PHKB: variants seen among roughly 807,000 people sequenced by gnomAD.
PHKB encodes the protein phosphorylase b kinase regulatory subunit beta.
Under a neutral mutation model 152.1 loss-of-function variants are expected in PHKB, and 122 were observed. That is an observed-to-expected ratio of 0.80 (90% CI 0.69 to 0.93). The LOEUF is 0.93. Ranked by LOEUF, PHKB falls within the 40% of genes least tolerant of loss-of-function variation. The pLI is 0.00. For missense variants in PHKB, 1,304 were observed against 1,328.4 expected, an observed-to-expected ratio of 0.98 and a Z score of 0.29; for synonymous variants, 436 against 464.9, an observed-to-expected ratio of 0.94 and a Z score of 0.80.
chr16:47,578,200 G>GT (rs1256158680), intron 7 of PHKB, among the ~76,000 whole-genome samples: 2 of 152,024 alleles, frequency 1.3e-5, no homozygotes, highest in Admixed American at 6.6e-5. Context: ...AGGATTTCTG[G>GT]TTTTTTGATT....
chr16:47,481,250 A>T (rs1386415701), intron 1 of PHKB, among the ~76,000 whole-genome samples: 1 of 152,176 alleles, frequency 6.6e-6, no homozygotes, highest in Non-Finnish European at 1.5e-5. Flanking sequence ...TTTGGTTATG[A>T]AATTTTTCTT....
intron 10 of PHKB, 72 bp from the exon 11 acceptor site, chr16:47,593,428 A>C (rs1162369280): frequency 1.2e-6 from 1 of 845,394 alleles, no homozygotes; most frequent in African/African-American, 1.7e-5. Context: ...CCACAGAGTG[A>C]GATCTTGTCT....
chr16:47,685,440 G>A (rs2142098390), intron 26 of PHKB, among the ~76,000 whole-genome samples: 1 of 152,184 alleles, frequency 6.6e-6, no homozygotes, highest in Non-Finnish European at 1.5e-5. Context: ...GAAAAAAAAA[G>A]AAAGCTTTTG....
chr16:47,676,357 A>G (rs1399788630), intron 26 of PHKB: 8 of 152,002 alleles, frequency 5.3e-5, no homozygotes, highest in Non-Finnish European at 8.8e-5. Context: ...GCTTTTTGCT[A>G]TTGTTTCTCT....
intron 26 of PHKB, among the ~76,000 whole-genome samples, chr16:47,677,448 C>A (rs565355100): frequency 6.6e-6 from 1 of 152,322 alleles, no homozygotes; most frequent in South Asian, 2.1e-4. Flanking sequence ...TTCTCACAAT[C>A]TGCAGGCTGG....
intron 3 of PHKB, 149 bp from the exon 4 acceptor site, chr16:47,502,842 C>A: frequency 1.5e-6 from 1 of 648,530 alleles, no homozygotes; most frequent in South Asian, 1.7e-5. Context: ...TCTACTTTTG[C>A]TGGGAAAATG....
chr16:47,515,276 T>A (rs1219865064), intron 5 of PHKB, among the ~76,000 whole-genome samples: 1 of 152,250 alleles, frequency 6.6e-6, no homozygotes, highest in Admixed American at 6.5e-5. Flanking sequence ...TTAACAGTTT[T>A]ATTTGAAGCC....
chr16:47,589,664 T>C (rs1971994546), intron 10 of PHKB, among the ~76,000 whole-genome samples: 1 of 152,230 alleles, frequency 6.6e-6, no homozygotes, highest in South Asian at 2.1e-4. Flanking sequence ...TATACCACTA[T>C]ATGTAGTTTT....
rs192431103 is a variant in PHKB, at chr16:47,561,938, G to C, written c.710+14390G>C. The C allele has an allele frequency of 7.2e-5, 11 of 152,052 alleles. No homozygotes were observed. In the East Asian group the frequency reaches 1.4e-3, roughly 19 times the overall value. The allele number at this position is 152,052 out of a possible 1,614,324, so 9.4% of individuals were successfully genotyped here. On this transcript the variant is annotated intron_variant, in intron 7 of 30. Transcript: ENST00000323584. ...TACCTTCTGTTGAGTGGCCCTTTTT[G>C]GTTGCTTTTTAAAAAGGCATATCCA...
At chr16:47,652,386 T>TC (rs1361754604) in intron 20 of PHKB, among the ~76,000 whole-genome samples, 1 of 150,796 alleles carries the variant, frequency 6.6e-6, no homozygotes, top group Non-Finnish European at 1.5e-5. Flanking sequence ...GGTCTTTTTT[T>TC]TTTTTTTTTT....
chr16:47,532,055 ATCAATTTAAAAAACCC>A (rs1187522522), intron 6 of PHKB, among the ~76,000 whole-genome samples: 1 of 152,244 alleles, frequency 6.6e-6, no homozygotes, highest in Non-Finnish European at 1.5e-5. Context: ...ACTATTACTT[ATCAATTTAAAAAACCC>A]TCAATTTAAA....
intron 1 of PHKB, among the ~76,000 whole-genome samples, chr16:47,477,380 G>A (rs1245313735): frequency 1.3e-5 from 2 of 152,162 alleles, no homozygotes; most frequent in African/African-American, 4.8e-5. Context: ...CAAGTTGAAT[G>A]AATTAATTAA....
chr16:47,497,168 T>A (rs1243324675), intron 1 of PHKB, among the ~76,000 whole-genome samples: 1 of 152,150 alleles, frequency 6.6e-6, no homozygotes, highest in Non-Finnish European at 1.5e-5. Flanking sequence ...GTGCTGGAGG[T>A]AAGGGTGGGA....
intron 1 of PHKB, among the ~76,000 whole-genome samples, chr16:47,479,882 G>C (rs1306521915): frequency 1.3e-5 from 2 of 152,138 alleles, no homozygotes; most frequent in Non-Finnish European, 2.9e-5. Context: ...CTCTGCTTCT[G>C]TCAGTTTGCT....
At chr16:47,568,754 A>G (rs1165870996) in intron 7 of PHKB, among the ~76,000 whole-genome samples, 1 of 152,158 alleles carries the variant, frequency 6.6e-6, no homozygotes, top group Admixed American at 6.5e-5. Context: ...ATTTTTTAAA[A>G]TTTCATCTTG....
chr16:47,668,122 A>G (rs1597164265), intron 25 of PHKB, among the ~76,000 whole-genome samples: 1 of 152,222 alleles, frequency 6.6e-6, no homozygotes, highest in Non-Finnish European at 1.5e-5. Flanking sequence ...CACCCTAAGC[A>G]CTGAAGTAAT....
intron 14 of PHKB, among the ~76,000 whole-genome samples, chr16:47,634,273 A>G (rs1300951519): frequency 1.3e-5 from 2 of 152,226 alleles, no homozygotes; most frequent in Non-Finnish European, 2.9e-5. Context: ...AATATTTTAC[A>G]TGCCCTCTTT....
intron 7 of PHKB, among the ~76,000 whole-genome samples, chr16:47,568,185 GT>G (rs1479746258): frequency 3.9e-5 from 6 of 152,210 alleles, no homozygotes; most frequent in Middle Eastern, 3.4e-3. Context: ...GTTGGGAGAT[GT>G]TTTGTTACTG....
chr16:47,574,805 T>C (rs1971722594), intron 7 of PHKB, among the ~76,000 whole-genome samples: 2 of 152,180 alleles, frequency 1.3e-5, no homozygotes, highest in South Asian at 2.1e-4. Flanking sequence ...ACATTGGGGA[T>C]CAGATTTCAA....
Sources: allele counts gnomAD v4.1 joint callset (sites outside exome capture counted in the v4.1 genomes callset), GRCh38; gene constraint gnomAD v4.1.1; transcripts MANE v1.5; gene names NCBI Gene and HGNC (gene_info 2026-07-23, HGNC 2026-07-21).